The following NHLRC3 variants were observed in gnomAD, a reference collection of about 807,000 sequenced individuals.
The protein encoded by NHLRC3 is NHL repeat containing 3.
NHLRC3 carries 23 observed loss-of-function variants against 32.0 expected under a neutral mutation model. The ratio of observed to expected loss-of-function variants is 0.72; its 90% CI spans 0.52 to 1.02. NHLRC3 has a LOEUF of 1.02. NHLRC3 is among the 50% of genes least tolerant of loss of function. NHLRC3 has a pLI of 0.00. For missense variants in NHLRC3, 407 were observed against 406.8 expected (o/e 1.00, Z -0.01); for synonymous variants, 159 against 147.9 (o/e 1.08, Z -0.55).
At chr13:39,045,475 CA>C in intron 5 of NHLRC3, among the ~76,000 whole-genome samples, 1 of 152,176 alleles carries the variant, frequency 6.6e-6, no homozygotes, top group East Asian at 1.9e-4. Flanking sequence ...TGTTTTATAA[CA>C]ATAGCAATTC....
At chr13:39,043,844 G>A (rs1871554712) in intron 4 of NHLRC3, among the ~76,000 whole-genome samples, 2 of 151,956 alleles carry the variant, frequency 1.3e-5, no homozygotes, top group Admixed American at 1.3e-4. Flanking sequence ...TTTTGAAGCA[G>A]TCATGAAAAA....
At position 39,044,161 on chromosome 13, in the gene NHLRC3, A is replaced by AACATACCT; in HGVS notation, c.658_659insACATACCT (p.Thr220AsnfsTer32). The AACATACCT allele has an allele frequency of 6.2e-7, 1 of 1,612,636 alleles. No homozygotes were observed. The highest frequency in any genetic ancestry group is 8.5e-7 in the Non-Finnish European group (1 of 1,178,710). On this transcript the variant is annotated frameshift_variant, in exon 5 of 7. Transcript: ENST00000379600. LOFTEE classifies it high-confidence loss of function. ...TAAGTTCAACATACCTCACAGTGTT[A>AACATACCT]CACTTGATTCAGCTGGTCGGGTACA...
chr13:39,038,361 G>C (rs1871275713), upstream of NHLRC3: 1 of 500,794 alleles, frequency 2.0e-6, no homozygotes, highest in South Asian at 2.3e-5. Flanking sequence ...CTGAGGGCGG[G>C]AAAGGGTGGT....
At position 39,044,229 on chromosome 13, in the gene NHLRC3, T is replaced by TTGTGTGTGTGTGTGTGTGTG. The variant is rs370553701; in HGVS notation, c.678+68_678+87dup. ...TCTGGGACTTTGTGTCTGAATATGT[T>TTGTGTGTGTGTGTGTGTGTG]TGTGTGTGTGTGTGTGTGTGTGTGT... On this transcript the variant is annotated intron_variant, in intron 5 of 6. Transcript: ENST00000379600. 2.8e-5 allele frequency: 24 copies of TTGTGTGTGTGTGTGTGTGTG among 859,232 alleles called. No homozygotes were observed. In the African/African-American group the frequency reaches 4.7e-4, roughly 17 times the overall value. 53.2% of individuals were successfully genotyped at this position (859,232 alleles called of 1,614,324 possible).
chr13:39,047,263 G>A, intron 6 of NHLRC3, 111 bp downstream of exon 6: 1 of 650,726 alleles, frequency 1.5e-6, no homozygotes, highest in Non-Finnish European at 2.6e-6. Flanking sequence ...TTTGAATTAG[G>A]GGAAAATAGA....
At chr13:39,047,523 G>T (rs1566034771) in intron 6 of NHLRC3, 151 bp from the exon 7 acceptor site, 1 of 619,172 alleles carries the variant, frequency 1.6e-6, no homozygotes, top group East Asian at 2.8e-5. Context: ...TTCATAAACA[G>T]AATTAGATCA....
In NHLRC3 at chr13:39,047,799, A is replaced by T; in HGVS notation, c.917A>T (p.Asp306Val). ...GTGATCAGCACAATCCAACTAGCAG[A>T]TCAAGTTTTGCCACATCTCCTAGAA... Reference protein sequence around the residue: ...CSVISTIQLADQVLPHLLEVD... With the variant: ...CSVISTIQLAVQVLPHLLEVD... Residue 306 changes from aspartate (D) to valine (V), a missense_variant, in exon 7 of 7, where the codon GAT becomes GTT. Physicochemically the swap from Asp to Val is radical, Grantham distance 152. Coordinates refer to ENST00000379600, the MANE Select transcript of NHLRC3 (RefSeq NM_001012754.4). 1 of 1,614,186 alleles carries T rather than the reference A, an allele frequency of 6.2e-7. No individual in the cohort carries two copies. Among genetic ancestry groups the T allele is most frequent in the Non-Finnish European group, 8.5e-7 (1 of 1,180,026 alleles).
In NHLRC3 at chr13:39,042,273, G is replaced by T. The variant is rs1274029966; in HGVS notation, c.554G>T (p.Gly185Val). 6.2e-7 allele frequency: 1 copy of T among 1,606,494 alleles called. No individual in the cohort carries two copies. Among genetic ancestry groups the T allele is most frequent in the Non-Finnish European group, 8.5e-7 (1 of 1,173,270 alleles). Residue 185 changes from glycine to valine, a missense_variant, in exon 4 of 7, where the codon GGA becomes GTA. Coordinates refer to ENST00000379600, the MANE Select transcript of NHLRC3 (RefSeq NM_001012754.4). ...GDIYIVDGDGGLNNRLIKLSQ... is the reference protein window; with the variant it reads ...GDIYIVDGDGVLNNRLIKLSQ... ...ATTTACATTGTGGATGGAGATGGAG[G>T]ATTGAATAACAGATTGATCAAACTG...
rs1270663754 is a variant in NHLRC3 at position 39,049,316 on chromosome 13, A to C, written c.*1390A>C. On this transcript the variant is annotated 3_prime_UTR_variant, in exon 7 of 7. Transcript: ENST00000379600. ...TCCGTGAGGTTAGGAAGGTAAATCT[A>C]CCAACAGGAAGCCCTGTACTCTGTA... 6.6e-6 allele frequency: 1 copy of C among 152,304 alleles called. No individual in the cohort carries two copies. 9.4% of individuals were successfully genotyped at this position (152,304 alleles called of 1,614,324 possible). A position where few individuals can be genotyped will look rare whatever the true frequency, so the allele number is the denominator to read the frequency against.
intron 4 of NHLRC3, among the ~76,000 whole-genome samples, chr13:39,043,704 A>G (rs1368227613): frequency 6.6e-6 from 1 of 152,184 alleles, no homozygotes; most frequent in Non-Finnish European, 1.5e-5. Flanking sequence ...CGTAGTGCGT[A>G]ATAAAGGAGA....
chr13:39,039,078 C>CTG, intron 1 of NHLRC3, 58 bp from the exon 2 acceptor site: 3 of 1,038,070 alleles, frequency 2.9e-6, no homozygotes, highest in South Asian at 1.4e-5. Flanking sequence ...CCCCCCCGCC[C>CTG]TTTTTTTGTT....
rs201037532 is a variant in NHLRC3 at position 39,047,939 on chromosome 13, G to C, written c.*13G>C. The C allele has an allele frequency of 2.5e-6, 4 of 1,570,676 alleles. 1 individual carries two copies. In the South Asian group the frequency reaches 4.6e-5, roughly 18 times the overall value. ...ATTTGGTTCATAATGTTTCTTTCCT[G>C]GGAATATTTCAAGTGGCAGTTCAGA... is the stretch of plus-strand genomic sequence containing the variant. On this transcript the variant is annotated 3_prime_UTR_variant, in exon 7 of 7. Transcript: ENST00000379600.
rs1305832784 is a variant in NHLRC3, at chr13:39,049,512, G to A, written c.*1586G>A. ...TTGCCCTTTGAAATCTATACCTCTG[G>A]ATACATTAGAGGCATTTTATTAACA... On this transcript the variant is annotated 3_prime_UTR_variant, in exon 7 of 7. Transcript: ENST00000379600. 6.6e-6 allele frequency: 1 copy of A among 152,148 alleles called. No individual in the cohort carries two copies. Among genetic ancestry groups the A allele is most frequent in the Non-Finnish European group, 1.5e-5 (1 of 68,016 alleles). The allele number at this position is 152,148 out of a possible 1,614,324, so 9.4% of individuals were successfully genotyped here. A position where few individuals can be genotyped will look rare whatever the true frequency, so the allele number is the denominator to read the frequency against.
At chr13:39,043,164 G>C (rs1309652154) in intron 4 of NHLRC3, among the ~76,000 whole-genome samples, 2 of 151,960 alleles carry the variant, frequency 1.3e-5, no homozygotes, top group East Asian at 3.9e-4. Context: ...AACTGAATTT[G>C]GTTGATAACA....
At chr13:39,039,835 A>C in intron 3 of NHLRC3, 124 bp downstream of exon 3, 1 of 691,514 alleles carries the variant, frequency 1.4e-6, no homozygotes, top group Non-Finnish European at 2.3e-6. Context: ...GATTCATGAA[A>C]TCACATGTTT....
At chr13:39,044,536 A>G (rs1871593797) in intron 5 of NHLRC3, 1 of 198,940 alleles carries the variant, frequency 5.0e-6, no homozygotes, top group Admixed American at 6.0e-5. Flanking sequence ...CTTACTGGGA[A>G]AACTCCACTA....
Position 39,039,339 on chromosome 13 carries a change from C to T in NHLRC3, c.237+51C>T, listed in dbSNP as rs1431329532. On this transcript the variant is annotated intron_variant, in intron 2 of 6. Coordinates refer to ENST00000379600, the MANE Select transcript of NHLRC3 (RefSeq NM_001012754.4). ...TTATGAACACAAAGGAAGTAACAGC[C>T]TTCCTGTCTTGCTGTAGTAACTGAC... 2.8e-6 allele frequency: 4 copies of T among 1,449,594 alleles called. No homozygotes were observed. In the South Asian group the frequency reaches 4.7e-5, roughly 17 times the overall value. 89.8% of individuals were successfully genotyped at this position (1,449,594 alleles called of 1,614,324 possible).
chr13:39,044,067 C>CTA, intron 4 of NHLRC3, 23 bp from the exon 5 acceptor site: 1 of 1,519,844 alleles, frequency 6.6e-7, no homozygotes, highest in Non-Finnish European at 9.1e-7. Context: ...GTTGCTCTGA[C>CTA]TATATATTTT....
In NHLRC3 at chr13:39,049,222, A is replaced by T. The variant is rs1354419700; in HGVS notation, c.*1296A>T. ...AAATCTTGAGCTGACTTTCCTCTTCACCTGTTATGGCTGGAGTATTTTCCA... is the reference window on the plus strand; with the variant it reads ...AAATCTTGAGCTGACTTTCCTCTTCTCCTGTTATGGCTGGAGTATTTTCCA... On this transcript the variant is annotated 3_prime_UTR_variant, in exon 7 of 7. Coordinates refer to ENST00000379600, the MANE Select transcript of NHLRC3 (RefSeq NM_001012754.4). 1.3e-5 allele frequency: 2 copies of T among 152,360 alleles called. No individual in the cohort carries two copies. The highest frequency in any genetic ancestry group is 2.9e-5 in the Non-Finnish European group (2 of 67,998). 9.4% of individuals were successfully genotyped at this position (152,360 alleles called of 1,614,324 possible). A position where few individuals can be genotyped will look rare whatever the true frequency, so the allele number is the denominator to read the frequency against.
Sources: gnomAD v4.1 joint callset for allele counts (sites outside exome capture counted in the v4.1 genomes callset) on GRCh38, gnomAD v4.1.1 for gene constraint, MANE v1.5 for transcripts, NCBI Gene and HGNC (gene_info 2026-07-23, HGNC 2026-07-21) for gene names.